Variants in NFASC observed in about 807,000 individuals in gnomAD.
NFASC encodes neurofascin.
In NFASC, 43 loss-of-function variants were observed where a neutral mutation model predicts 147.5. The ratio of observed to expected loss-of-function variants is 0.29; its 90% confidence interval spans 0.23 to 0.38. The LOEUF (loss-of-function observed/expected upper bound fraction) is 0.38. Ranked by LOEUF, NFASC falls within the 10% of genes least tolerant of loss-of-function variation. The pLI, the probability that NFASC is intolerant of heterozygous loss-of-function variation, is 1.00. For synonymous variants in NFASC, 622 were observed against 665.5 expected, an observed-to-expected ratio of 0.93 and a Z score of 1.01; for missense variants, 1,320 against 1,689.0, an observed-to-expected ratio of 0.78 and a Z score of 3.83.
chr1:204,831,822 C>T (rs1672296079), intron 1 of NFASC, among the ~76,000 whole-genome samples: 1 of 152,082 alleles, frequency 6.6e-6, no homozygotes, highest in Non-Finnish European at 1.5e-5. Context: ...GGTGCTGAGA[C>T]CATAGAGATG....
chr1:204,852,911 A>G (rs183603182), intron 1 of NFASC, among the ~76,000 whole-genome samples: 3 of 152,266 alleles, frequency 2.0e-5, no homozygotes, highest in Admixed American at 6.5e-5. Flanking sequence ...TTTGAAAGAG[A>G]GGCTGACGGT....
At chr1:204,831,192 C>T (rs188609631) in intron 1 of NFASC, among the ~76,000 whole-genome samples, 4 of 152,036 alleles carry the variant, frequency 2.6e-5, no homozygotes, top group Admixed American at 2.6e-4. Flanking sequence ...TACATATTTC[C>T]CAGTTTTGTG....
chr1:204,966,917 G>A (rs1313860805), intron 8 of NFASC, among the ~76,000 whole-genome samples: 2 of 152,190 alleles, frequency 1.3e-5, no homozygotes, highest in African/African-American at 2.4e-5. Context: ...AGAGAGTTGA[G>A]TGCCCCAGAA....
At chr1:204,985,500 G>A (rs886376455) in intron 21 of NFASC, among the ~76,000 whole-genome samples, 1 of 152,228 alleles carries the variant, frequency 6.6e-6, no homozygotes, top group Non-Finnish European at 1.5e-5. Flanking sequence ...TCAAGGTGAT[G>A]TGGTCTTTGA....
intron 3 of NFASC, among the ~76,000 whole-genome samples, chr1:204,947,487 G>T (rs1284566920): frequency 6.6e-6 from 1 of 152,186 alleles, no homozygotes; most frequent in African/African-American, 2.4e-5. Context: ...CTTCTATTCT[G>T]GAGAGGCTGG....
intron 1 of NFASC, among the ~76,000 whole-genome samples, chr1:204,913,808 A>G (rs1174353413): frequency 6.6e-6 from 1 of 151,748 alleles, no homozygotes. Flanking sequence ...TGGGAGGATC[A>G]CTTGAGACTG....
Position 204,954,742 on chromosome 1 carries a change from C to T in NFASC, c.413-87C>T, listed in dbSNP as rs1198422479. 1.3e-6 allele frequency: 2 copies of T among 1,493,624 alleles called. No homozygotes were observed. Among genetic ancestry groups the T allele is most frequent in the African/African-American group, 2.8e-5 (2 of 72,158 alleles). 92.5% of individuals were successfully genotyped at this position (1,493,624 alleles called of 1,614,324 possible). A position where few individuals can be genotyped will look rare whatever the true frequency, so the allele number is the denominator to read the frequency against. On this transcript the variant is annotated intron_variant, in intron 6 of 29. Transcript: ENST00000339876. The surrounding 1 kb of genome is among the most constrained non-coding windows in gnomAD (Gnocchi z 5.7). The stretch of plus-strand genomic sequence containing the variant: ...TCTCCAGGTGCCCCTTCTGTTTCTC[C>T]TCCTTGCATGCCTGCCTCTGACCCT...
At chr1:204,945,998 C>T (rs2093703950) in intron 3 of NFASC, among the ~76,000 whole-genome samples, 1 of 152,156 alleles carries the variant, frequency 6.6e-6, no homozygotes, top group Non-Finnish European at 1.5e-5. Flanking sequence ...TGGTGTCTAT[C>T]TTAAGAATCT....
rs766121496 is a variant in NFASC, at chr1:204,954,905, C to T, written c.489C>T (p.Asn163=). The T allele has an allele frequency of 1.2e-6, 2 of 1,614,098 alleles. No individual in the cohort carries two copies. The highest frequency in any genetic ancestry group is 1.7e-6 in the Non-Finnish European group (2 of 1,179,958). The change falls in exon 7 of 30, where the codon AAC becomes AAT. Residue 163 remains asparagine (N), a synonymous_variant. Transcript: ENST00000339876. The surrounding 1 kb of genome is among the most constrained non-coding windows in gnomAD (Gnocchi z 5.7). ...GCGCTCCTTTGACGCTCCAGTGCAA[C>T]CCCCCGCCTGGACTTCCATCCCCGG... ...QEGAPLTLQC[N]PPPGLPSPVI...
At chr1:204,846,952 CGTGTGT>C (rs917596959) in intron 1 of NFASC, among the ~76,000 whole-genome samples, 13 of 124,586 alleles carry the variant, frequency 1.0e-4, no homozygotes, top group Non-Finnish European at 1.8e-4. Flanking sequence ...TGTGTGTACG[CGTGTGT>C]GTGTGTGTGT....
rs146067570 is a variant in NFASC at position 204,835,801 on chromosome 1, C to T, written c.-200+7019C>T. 8.0e-4 allele frequency among the ~76,000 whole-genome samples: 122 copies of T among 152,266 alleles called. 2 individuals carry two copies. The highest frequency in any genetic ancestry group is 6.4e-3 in the South Asian group (31 of 4,820). On this transcript the variant is annotated intron_variant, in intron 1 of 29. Coordinates refer to ENST00000339876, the MANE Select transcript of NFASC (RefSeq NM_001005388.3). ...TGCTTCTCTGAGCACGTACGATGCC[C>T]AGCTCTGGGAAAGGCCTTCTAGGAT... is the stretch of plus-strand genomic sequence containing the variant.
chr1:204,828,805 G>T, intron 1 of NFASC, 23 bp downstream of exon 1: 1 of 985,368 alleles, frequency 1.0e-6, no homozygotes, highest in East Asian at 1.1e-4. Flanking sequence ...GAACACCGGA[G>T]AGATGGGGGT....
chr1:204,924,782 T>TA (rs1311497910), intron 2 of NFASC, among the ~76,000 whole-genome samples: 18 of 152,368 alleles, frequency 1.2e-4, no homozygotes, highest in Non-Finnish European at 2.2e-4. Context: ...AAAGTAGATG[T>TA]GAAACCCCAT....
rs533022656 is a variant in NFASC at position 204,855,255 on chromosome 1, A to G, written c.-200+26473A>G. The stretch of plus-strand genomic sequence containing the variant: ...CTTAGTTTGGAAGCAAGGTTTACCC[A>G]TGCAGAAAAAGACTCAAGAATACTA... On this transcript the variant is annotated intron_variant, in intron 1 of 29. Coordinates refer to ENST00000339876, the MANE Select transcript of NFASC (RefSeq NM_001005388.3). Among the ~76,000 whole-genome samples, 8 of 152,368 alleles carry G rather than the reference A, an allele frequency of 5.3e-5. No homozygotes were observed. The East Asian group carries it at 1.5e-3, about 29-fold the overall frequency.
At chr1:204,992,524 C>T (rs528919762) in intron 24 of NFASC, among the ~76,000 whole-genome samples, 1 of 152,342 alleles carries the variant, frequency 6.6e-6, no homozygotes, top group African/African-American at 2.4e-5. Context: ...TCACCCACCA[C>T]CCCAGTGCCT....
intron 1 of NFASC, among the ~76,000 whole-genome samples, chr1:204,877,380 TCTC>T (rs1652591288): frequency 6.6e-6 from 1 of 151,932 alleles, no homozygotes. Flanking sequence ...TGGTCAGTGG[TCTC>T]CTGTTGGGAA....
At chr1:205,002,428 C>T (rs775795072) in intron 26 of NFASC, among the ~76,000 whole-genome samples, 168 bp from the exon 27 acceptor site, 1 of 152,184 alleles carries the variant, frequency 6.6e-6, no homozygotes, top group African/African-American at 2.4e-5. Context: ...CACAGACAGG[C>T]ATAGGGAAGC....
intron 24 of NFASC, among the ~76,000 whole-genome samples, chr1:204,994,147 C>A (rs2095799181): frequency 6.6e-6 from 1 of 152,162 alleles, no homozygotes; most frequent in Admixed American, 6.5e-5. Context: ...ATGGTGGGAG[C>A]CCCGGGGAGG....
intron 8 of NFASC, among the ~76,000 whole-genome samples, chr1:204,963,312 CTACTA>C (rs1333419899): frequency 2.0e-5 from 3 of 152,230 alleles, no homozygotes; most frequent in Admixed American, 2.0e-4. Flanking sequence ...ATGGGGCCAA[CTACTA>C]TTGTGTTAAG....
Sources: allele counts gnomAD v4.1 joint callset (sites outside exome capture counted in the v4.1 genomes callset), GRCh38; gene constraint gnomAD v4.1.1; non-coding constraint Gnocchi (gnomAD v3.1); transcripts MANE v1.5; gene names NCBI Gene and HGNC (gene_info 2026-07-23, HGNC 2026-07-21).